NR2C2: variants seen among roughly 807,000 people sequenced by gnomAD.
NR2C2 encodes Nuclear hormone receptor TR4.
A neutral mutation model predicts 62.9 loss-of-function variants in NR2C2; 6 were observed. The observed-to-expected ratio is 0.10, with a 90% confidence interval of 0.05 to 0.19. The LOEUF (loss-of-function observed/expected upper bound fraction) is 0.19. NR2C2 is among the 10% of genes least tolerant of loss of function. NR2C2 has a pLI of 1.00. For synonymous variants in NR2C2, 272 were observed against 273.8 expected (o/e 0.99, Z 0.07); for missense variants, 479 against 762.7 (o/e 0.63, Z 4.38).
chr3:14,998,719 C>T (rs1387837240), intron 1 of NR2C2, among the ~76,000 whole-genome samples: 1 of 152,114 alleles, frequency 6.6e-6, no homozygotes, highest in Non-Finnish European at 1.5e-5. Flanking sequence ...ACACAAAACT[C>T]ATTAATTTGA....
intron 1 of NR2C2, among the ~76,000 whole-genome samples, chr3:14,963,917 A>AC (rs1038012185): frequency 6.6e-6 from 1 of 152,038 alleles, no homozygotes; most frequent in African/African-American, 2.4e-5. Flanking sequence ...CTAGTTACCT[A>AC]CCCCCCTCCC....
At chr3:14,966,154 T>G (rs1009516259) in intron 1 of NR2C2, among the ~76,000 whole-genome samples, 1 of 152,212 alleles carries the variant, frequency 6.6e-6, no homozygotes, top group Non-Finnish European at 1.5e-5. Flanking sequence ...AATTGAGAGA[T>G]AATTAATAGT....
chr3:14,983,343 C>G (rs2040426815), intron 1 of NR2C2, among the ~76,000 whole-genome samples: 1 of 151,794 alleles, frequency 6.6e-6, no homozygotes, highest in African/African-American at 2.4e-5. Context: ...CTGAGATGAT[C>G]ATATGATTTC....
rs2042485980 is a variant in NR2C2 at position 15,047,172 on chromosome 3, A to G, written c.*4164A>G. 2 of 152,662 alleles carry G rather than the reference A, an allele frequency of 1.3e-5. No individual in the cohort carries two copies. The highest frequency in any genetic ancestry group is 4.8e-5 in the African/African-American group (2 of 41,448). 9.5% of individuals were successfully genotyped at this position (152,662 alleles called of 1,614,324 possible). ...AACTTTCCTTTAAAGAGAGTTTTTCATAAAGTTGCTAATGTAAACTGATAT... is the reference window on the plus strand; with the variant it reads ...AACTTTCCTTTAAAGAGAGTTTTTCGTAAAGTTGCTAATGTAAACTGATAT... On this transcript the variant is annotated 3_prime_UTR_variant, in exon 14 of 14. Transcript: ENST00000425241.
chr3:15,030,584 T>A (rs2041956518), intron 9 of NR2C2, 132 bp downstream of exon 9: 1 of 921,002 alleles, frequency 1.1e-6, no homozygotes, highest in Non-Finnish European at 1.6e-6. Flanking sequence ...TCTTAGCACT[T>A]CGGGAGGCCA....
rs1319324759 is a variant in NR2C2, at chr3:15,029,860, CTGAAAG to C, written c.933-414_933-409del. ...AGATAGATATAGATAGACCCCATCTCTGAAAGAGAGAAAGAAAAAGAGAAAGAGACA... is the reference window on the plus strand; with the variant it reads ...AGATAGATATAGATAGACCCCATCTCAGAGAAAGAAAAAGAGAAAGAGACA... On this transcript the variant is annotated intron_variant, in intron 8 of 13. Coordinates refer to ENST00000425241, the MANE Select transcript of NR2C2 (RefSeq NM_001291694.2). Among the ~76,000 whole-genome samples, 8 of 143,504 alleles carry C rather than the reference CTGAAAG, an allele frequency of 5.6e-5. No homozygotes were observed. In the South Asian group the frequency reaches 1.3e-3, roughly 24 times the overall value. 94.1% of individuals were successfully genotyped at this position (143,504 alleles called of 152,430 possible).
In NR2C2 at chr3:15,030,367, G is replaced by A. The variant is rs377462232; in HGVS notation, c.1025G>A (p.Ser342Asn). The change falls in exon 9 of 14, where the codon AGC becomes AAC. Residue 342 changes from serine to asparagine, a missense_variant. Ser to Asn is a conservative substitution (Grantham distance 46). Coordinates refer to ENST00000425241, the MANE Select transcript of NR2C2 (RefSeq NM_001291694.2). ...ADGIDTSGGG[S>N]IHVISRDQST... ...GGGATAGACACCAGTGGAGGAGGGA[G>A]CATCCACGTCATCAGCAGAGACCAG... The A allele has an allele frequency of 8.1e-6, 13 of 1,613,534 alleles. No individual in the cohort carries two copies. The highest frequency in any genetic ancestry group is 2.2e-5 in the East Asian group (1 of 44,860).
chr3:15,048,694 C>T lies in NR2C2; in HGVS notation c.*5686C>T, dbSNP rs928830954. 4 of 152,626 alleles carry T rather than the reference C, an allele frequency of 2.6e-5. No individual in the cohort carries two copies. The highest frequency in any genetic ancestry group is 9.6e-5 in the African/African-American group (4 of 41,454). 9.5% of individuals were successfully genotyped at this position (152,626 alleles called of 1,614,324 possible). A position where few individuals can be genotyped will look rare whatever the true frequency, so the allele number is the denominator to read the frequency against. On this transcript the variant is annotated 3_prime_UTR_variant, in exon 14 of 14. Transcript: ENST00000425241. ...GCTGCTGCCACACACAACTCAAGTGCTGGAATATTTTTCTACAGTCTCTCT... is the reference window on the plus strand; with the variant it reads ...GCTGCTGCCACACACAACTCAAGTGTTGGAATATTTTTCTACAGTCTCTCT...
At chr3:14,984,525 G>A (rs1057213748) in intron 1 of NR2C2, among the ~76,000 whole-genome samples, 4 of 151,262 alleles carry the variant, frequency 2.6e-5, no homozygotes, top group Admixed American at 2.0e-4. Flanking sequence ...ATGGATTTGC[G>A]TTTTCTAGAA....
At chr3:14,970,360 T>C (rs2040001364) in intron 1 of NR2C2, among the ~76,000 whole-genome samples, 1 of 152,202 alleles carries the variant, frequency 6.6e-6, no homozygotes, top group Non-Finnish European at 1.5e-5. Flanking sequence ...TTAACTGTTT[T>C]AAAGTGTGGA....
In NR2C2 at chr3:15,046,071, T is replaced by A; in HGVS notation, c.*3063T>A. ...AGTTGAGCAAGTAATACTTTTCAAG[T>A]TACTCCTGGAAGGTGTTTTTAAGGA... On this transcript the variant is annotated 3_prime_UTR_variant, in exon 14 of 14. Coordinates refer to ENST00000425241, the MANE Select transcript of NR2C2 (RefSeq NM_001291694.2). 6.6e-6 allele frequency: 1 copy of A among 152,250 alleles called. No homozygotes were observed. Among genetic ancestry groups the A allele is most frequent in the African/African-American group, 2.4e-5 (1 of 41,480 alleles). 9.4% of individuals were successfully genotyped at this position (152,250 alleles called of 1,614,324 possible).
chr3:15,024,088 C>T (rs1295746663), intron 6 of NR2C2, 27 bp from the exon 7 acceptor site: 3 of 1,506,556 alleles, frequency 2.0e-6, no homozygotes, highest in Admixed American at 3.4e-5. Context: ...TTGGAAGCTA[C>T]TCTGAGTTTC....
At chr3:14,997,613 C>T (rs1459453738) in intron 1 of NR2C2, among the ~76,000 whole-genome samples, 1 of 152,066 alleles carries the variant, frequency 6.6e-6, no homozygotes, top group Non-Finnish European at 1.5e-5. Flanking sequence ...GCTTGTCCTG[C>T]CTATTTCTTA....
rs572494607 is a variant in NR2C2, at chr3:15,010,771, C to T, written c.73-2818C>T. On this transcript the variant is annotated intron_variant, in intron 2 of 13. Coordinates refer to ENST00000425241, the MANE Select transcript of NR2C2 (RefSeq NM_001291694.2). ...TGTTATATACTGCCACTAAGAGCTGCTGTCCTTGTCTGGAACCAGTAACTT... is the reference window on the plus strand; with the variant it reads ...TGTTATATACTGCCACTAAGAGCTGTTGTCCTTGTCTGGAACCAGTAACTT... Among the ~76,000 whole-genome samples, 6 of 152,104 alleles carry T rather than the reference C, an allele frequency of 3.9e-5. No homozygotes were observed. In the South Asian group the frequency reaches 1.2e-3, roughly 32 times the overall value.
intron 1 of NR2C2, among the ~76,000 whole-genome samples, chr3:14,991,758 TTTTC>T (rs1266779433): frequency 6.7e-6 from 1 of 149,086 alleles, no homozygotes; most frequent in African/African-American, 2.5e-5. Context: ...TCTTTTTTTT[TTTTC>T]TTTTTCTTTT....
chr3:15,024,161 C>G lies in NR2C2; in HGVS notation c.751C>G (p.Pro251Ala). ...AGGGATGCTTGTGAACATCCAGCAG[C>G]CTTTGATACGTGAGGATGGTACAGT... is the stretch of plus-strand genomic sequence containing the variant. Reference protein sequence around the residue: ...DPGMLVNIQQPLIREDGTVLL... With the variant: ...DPGMLVNIQQALIREDGTVLL... The change falls in exon 7 of 14, where the codon CCT becomes GCT. Residue 251 changes from proline to alanine, a missense_variant. Around this residue, in one of 4 missense-constraint regions of NR2C2, gnomAD observed 151 missense variants for 176.1 expected, o/e 0.86. Transcript: ENST00000425241. 3.7e-6 allele frequency: 6 copies of G among 1,612,788 alleles called. No individual in the cohort carries two copies. The highest frequency in any genetic ancestry group is 1.1e-5 in the South Asian group (1 of 90,770).
chr3:15,012,883 C>A (rs1355425627), intron 2 of NR2C2, among the ~76,000 whole-genome samples: 1 of 152,220 alleles, frequency 6.6e-6, no homozygotes, highest in Non-Finnish European at 1.5e-5. Context: ...AGCGAGACTC[C>A]TGAAGAGTGA....
chr3:14,964,255 A>G (rs567837974), intron 1 of NR2C2, among the ~76,000 whole-genome samples: 61 of 152,370 alleles, frequency 4.0e-4, no homozygotes, highest in Non-Finnish European at 6.5e-4. Context: ...TGTGAGCTAT[A>G]CATACTTTTA....
At chr3:15,036,997 C>T (rs886118404) in intron 11 of NR2C2, among the ~76,000 whole-genome samples, 1 of 151,952 alleles carries the variant, frequency 6.6e-6, no homozygotes, top group African/African-American at 2.4e-5. Context: ...TGGTGAGTGC[C>T]TGTAATCCCA....
Sources: allele counts gnomAD v4.1 joint callset (sites outside exome capture counted in the v4.1 genomes callset), GRCh38; gene constraint gnomAD v4.1.1; regional missense constraint gnomAD v4.1.1; transcripts MANE v1.5; gene names NCBI Gene and HGNC (gene_info 2026-07-23, HGNC 2026-07-21).